Variants in UTRN observed in about 807,000 individuals in gnomAD.
The protein encoded by UTRN is dystrophin-related protein 1.
UTRN carries 283 observed loss-of-function variants against 463.9 expected under a neutral mutation model. That is an observed-to-expected ratio of 0.61 (90% CI 0.55 to 0.67). UTRN has a LOEUF of 0.67. Ranked by LOEUF, UTRN falls within the 30% of genes least tolerant of loss-of-function variation. UTRN has a pLI of 0.00. For missense variants in UTRN, 3,922 were observed against 4,084.3 expected (o/e 0.96, Z 1.08); for synonymous variants, 1,442 against 1,431.5 (o/e 1.01, Z -0.17).
In UTRN at chr6:144,447,292, C is replaced by T; in HGVS notation, c.1696C>T (p.Leu566=). ...AAGCAACTTCAAAGACCAAAAGGAA[C>T]TAAGTGTCAGTGTTCGACGTCTGGC... The part of the protein sequence containing the change: ...QTSNFKDQKE[L]SVSVRRLAIL... The change falls in exon 15 of 75, where the codon CTA becomes TTA. Residue 566 remains leucine, a synonymous_variant. Transcript: ENST00000367545. 3 of 1,613,762 alleles carry T rather than the reference C, an allele frequency of 1.9e-6. No homozygotes were observed. The highest frequency in any genetic ancestry group is 2.5e-6 in the Non-Finnish European group (3 of 1,179,782).
chr6:144,458,950 A>AAC lies in UTRN; in HGVS notation c.2470_2471dup (p.Ser825LeufsTer14). ...ATCAAGACAAAGGAGGAGTGGGTAA[A>AAC]ACACACTTCCATTTCTGAATCTTCC... On this transcript the variant is annotated frameshift_variant, in exon 20 of 75. Coordinates refer to ENST00000367545, the MANE Select transcript of UTRN (RefSeq NM_007124.3). LOFTEE classifies it high-confidence loss of function. 6.2e-7 allele frequency: 1 copy of AAC among 1,613,180 alleles called. No homozygotes were observed. Among genetic ancestry groups the AAC allele is most frequent in the South Asian group, 1.1e-5 (1 of 90,722 alleles).
intron 54 of UTRN, among the ~76,000 whole-genome samples, chr6:144,747,869 C>G (rs757194866): frequency 4.6e-5 from 7 of 152,108 alleles, no homozygotes; most frequent in Non-Finnish European, 1.0e-4. Context: ...TACCATTTCT[C>G]TTGAGAATAC....
chr6:144,523,532 A>G (rs958779241), intron 41 of UTRN, among the ~76,000 whole-genome samples: 2 of 152,050 alleles, frequency 1.3e-5, no homozygotes, highest in African/African-American at 4.8e-5. Context: ...CTGGTATTGA[A>G]CTCCGGACCT....
At chr6:144,675,126 G>A (rs1486129374) in intron 51 of UTRN, among the ~76,000 whole-genome samples, 1 of 152,156 alleles carries the variant, frequency 6.6e-6, no homozygotes, top group Admixed American at 6.5e-5. Context: ...CTACTGTTCA[G>A]ATTCTTTTGC....
chr6:144,781,837 G>A, intron 60 of UTRN, 85 bp from the exon 61 acceptor site: 3 of 978,094 alleles, frequency 3.1e-6, no homozygotes, highest in Non-Finnish European at 4.5e-6. Context: ...AAATACTTGA[G>A]ACTAGAAATG....
At position 144,820,981 on chromosome 6, in the gene UTRN, C is replaced by T; in HGVS notation, c.9457C>T (p.Pro3153Ser). The T allele has an allele frequency of 3.1e-6, 5 of 1,613,832 alleles. No homozygotes were observed. Among genetic ancestry groups the T allele is most frequent in the Non-Finnish European group, 4.2e-6 (5 of 1,179,838 alleles). ...CAAACACCCTCGACTTGGTTACCTG[C>T]CTGTCCAGACAGTTCTTGAAGGTGA... ...FAKHPRLGYL[P>S]VQTVLEGDNL... Residue 3153 changes from proline to serine, a missense_variant, in exon 66 of 75, where the codon CCT becomes TCT. Transcript: ENST00000367545.
At chr6:144,803,202 A>G in intron 65 of UTRN, 55 bp downstream of exon 65, 4 of 1,067,470 alleles carry the variant, frequency 3.7e-6, no homozygotes, top group Non-Finnish European at 5.0e-6. Context: ...ATTAACTAGT[A>G]TCTAAAATTT....
intron 2 of UTRN, among the ~76,000 whole-genome samples, chr6:144,358,304 CCATAACAGT>C (rs1778749043): frequency 6.6e-6 from 1 of 152,088 alleles, no homozygotes; most frequent in South Asian, 2.1e-4. Flanking sequence ...AGTTGAAATA[CCATAACAGT>C]GTGTATACAC....
rs777757487 is a variant in UTRN, at chr6:144,751,937, A to T, written c.8340A>T (p.Arg2780=). 1.2e-6 allele frequency: 2 copies of T among 1,608,788 alleles called. No individual in the cohort carries two copies. Among genetic ancestry groups the T allele is most frequent in the Admixed American group, 3.4e-5 (2 of 59,052 alleles). ...MSRQLDDLNM[R]WKLLQVSVDD... Reference sequence around the variant, plus strand: ...GCCAGCTAGATGACCTTAATATGCGATGGAAACTTTTACAGGTATCAGCTT... The same window carrying T: ...GCCAGCTAGATGACCTTAATATGCGTTGGAAACTTTTACAGGTATCAGCTT... Residue 2780 remains arginine (R), a synonymous_variant, in exon 56 of 75, where the codon CGA becomes CGT. Transcript: ENST00000367545.
At chr6:144,448,196 A>G (rs1180458847) in intron 16 of UTRN, among the ~76,000 whole-genome samples, 1 of 152,226 alleles carries the variant, frequency 6.6e-6, no homozygotes, top group African/African-American at 2.4e-5. Flanking sequence ...GTATGCATAC[A>G]ATATTATCTG....
intron 51 of UTRN, among the ~76,000 whole-genome samples, chr6:144,603,812 A>G (rs572801253): frequency 7.2e-4 from 109 of 152,352 alleles, no homozygotes; most frequent in African/African-American, 2.5e-3. Context: ...TGGGCCCAGC[A>G]TTATTAAAAT....
intron 41 of UTRN, among the ~76,000 whole-genome samples, chr6:144,524,619 A>G (rs1796402350): frequency 6.6e-6 from 1 of 152,128 alleles, no homozygotes; most frequent in Admixed American, 6.5e-5. Flanking sequence ...TAGGTATATG[A>G]TCATGTTACC....
intron 51 of UTRN, among the ~76,000 whole-genome samples, chr6:144,631,646 A>G (rs1215163174): frequency 6.6e-6 from 1 of 152,176 alleles, no homozygotes; most frequent in Non-Finnish European, 1.5e-5. Flanking sequence ...ATCATTTCAA[A>G]AGAGCGTAGA....
chr6:144,294,579 C>T (rs1804524073), intron 2 of UTRN, among the ~76,000 whole-genome samples: 1 of 151,548 alleles, frequency 6.6e-6, no homozygotes, highest in Admixed American at 6.6e-5. Context: ...CTCATCTGCT[C>T]TTCCAGGTTT....
At chr6:144,398,480 A>C in intron 2 of UTRN, 1 of 366,998 alleles carries the variant, frequency 2.7e-6, no homozygotes, top group Non-Finnish European at 5.4e-6. Context: ...CCCTCCAATT[A>C]TTGGTTATCC....
chr6:144,406,637 G>A (rs977384524), intron 3 of UTRN, among the ~76,000 whole-genome samples: 1 of 152,140 alleles, frequency 6.6e-6, no homozygotes, highest in African/African-American at 2.4e-5. Flanking sequence ...AAAGTGCTGG[G>A]ATTACAGGCG....
At position 144,516,832 on chromosome 6, in the gene UTRN, A is replaced by G. The variant is rs1263233838; in HGVS notation, c.5425A>G (p.Ile1809Val). Residue 1809 changes from isoleucine to valine, a missense_variant, in exon 39 of 75, where the codon ATT becomes GTT. By Grantham distance (29) the Ile-to-Val change is conservative. Coordinates refer to ENST00000367545, the MANE Select transcript of UTRN (RefSeq NM_007124.3). ...DEKMDEESAQIEEVLQRGEEM... is the reference protein window; with the variant it reads ...DEKMDEESAQVEEVLQRGEEM... Reference sequence around the variant, plus strand: ...TTAGATGGATGAGGAGAGTGCCCAGATTGAGGAAGTTCTACAAAGAGGAGA... The same window carrying G: ...TTAGATGGATGAGGAGAGTGCCCAGGTTGAGGAAGTTCTACAAAGAGGAGA... 6.7e-7 allele frequency: 1 copy of G among 1,499,396 alleles called. No individual in the cohort carries two copies. The allele number at this position is 1,499,396 out of a possible 1,614,324, so 92.9% of individuals were successfully genotyped here.
In UTRN at chr6:144,422,218, C is replaced by T. The variant is rs532375710; in HGVS notation, c.234+248C>T. Among the ~76,000 whole-genome samples the T allele has an allele frequency of 2.0e-5, 3 of 151,922 alleles. No homozygotes were observed. The East Asian group carries it at 5.8e-4, about 29-fold the overall frequency. Reference sequence around the variant, plus strand: ...TAAATGTTTATTGCTCTGAGACAGCCCAGGATGAGAGAATTACAAAAAAGA... The same window carrying T: ...TAAATGTTTATTGCTCTGAGACAGCTCAGGATGAGAGAATTACAAAAAAGA... On this transcript the variant is annotated intron_variant, in intron 4 of 74. Transcript: ENST00000367545.
intron 49 of UTRN, among the ~76,000 whole-genome samples, chr6:144,556,180 A>G (rs1046792764): frequency 2.6e-5 from 4 of 152,242 alleles, no homozygotes; most frequent in African/African-American, 9.6e-5. Flanking sequence ...ATGGAAGTGT[A>G]TATTTGTGAA....
Sources: gnomAD v4.1 joint callset for allele counts (sites outside exome capture counted in the v4.1 genomes callset) on GRCh38, gnomAD v4.1.1 for gene constraint, MANE v1.5 for transcripts, NCBI Gene and HGNC (gene_info 2026-07-23, HGNC 2026-07-21) for gene names.